GPR176: variants seen among roughly 807,000 people sequenced by gnomAD.
GPR176 encodes G protein-coupled receptor 176, also known as G-protein coupled receptor 176.
A neutral mutation model predicts 35.4 loss-of-function variants in GPR176; 26 were observed. The ratio of observed to expected loss-of-function variants is 0.74; its 90% CI spans 0.54 to 1.02. GPR176 has a LOEUF of 1.02. Among genes scored for constraint, GPR176 ranks in the 50% least tolerant of loss-of-function variants. GPR176 has a pLI of 0.00. For missense variants in GPR176, 597 were observed against 665.3 expected (o/e 0.90, Z 1.13); for synonymous variants, 278 against 271.3 (o/e 1.02, Z -0.24).
chr15:39,859,073 A>G (rs1277237056), intron 1 of GPR176, among the ~76,000 whole-genome samples: 1 of 152,184 alleles, frequency 6.6e-6, no homozygotes, highest in East Asian at 1.9e-4. Flanking sequence ...GTGAGAAAAC[A>G]AATCATCATG....
chr15:39,802,247 A>G lies in GPR176; in HGVS notation c.433T>C (p.Ser145Pro). 1 of 1,594,012 alleles carries G rather than the reference A, an allele frequency of 6.3e-7. No homozygotes were observed. The highest frequency in any genetic ancestry group is 8.6e-7 in the Non-Finnish European group (1 of 1,168,272). The change falls in exon 3 of 3, where the codon TCA becomes CCA. Residue 145 changes from serine to proline, a missense_variant. By Grantham distance (74) the Ser-to-Pro change is moderately conservative. Around this residue, in one of 3 missense-constraint regions of GPR176, gnomAD observed 220 missense variants for 297.6 expected, o/e 0.74. Transcript: ENST00000561100. ...FPAIALDRYY[S>P]VLYPLERKIS... ...TTCCTCTCCAGTGGATAGAGGACTG[A>G]GTAGTACCTGCAAGATACACAAACA...
intron 1 of GPR176, among the ~76,000 whole-genome samples, chr15:39,904,876 A>G (rs2033377258): frequency 6.6e-6 from 1 of 152,236 alleles, no homozygotes; most frequent in African/African-American, 2.4e-5. Context: ...CTAGAAGTAG[A>G]GCAGCATTTG....
chr15:39,831,128 T>C (rs764779810), intron 1 of GPR176, among the ~76,000 whole-genome samples: 1 of 152,212 alleles, frequency 6.6e-6, no homozygotes, highest in Non-Finnish European at 1.5e-5. Flanking sequence ...AACTTGGTTT[T>C]TAGGTACTTG....
At chr15:39,822,710 A>C (rs577649356) in intron 1 of GPR176, among the ~76,000 whole-genome samples, 1 of 152,364 alleles carries the variant, frequency 6.6e-6, no homozygotes, top group African/African-American at 2.4e-5. Context: ...AATATAAAGA[A>C]CACCAAAACC....
intron 1 of GPR176, among the ~76,000 whole-genome samples, chr15:39,865,427 T>A (rs939962951): frequency 2.0e-4 from 30 of 152,126 alleles, no homozygotes; most frequent in Non-Finnish European, 1.8e-4. Context: ...GAGATCAGTA[T>A]CTTAAGTGAA....
chr15:39,813,498 T>G (rs1595440542), intron 1 of GPR176: 2 of 152,256 alleles, frequency 1.3e-5, no homozygotes, highest in African/African-American at 4.8e-5. Context: ...TCTTCTGGAT[T>G]ACACAATTTC....
intron 1 of GPR176, among the ~76,000 whole-genome samples, chr15:39,887,904 T>C (rs1293580740): frequency 6.6e-6 from 1 of 152,194 alleles, no homozygotes; most frequent in Non-Finnish European, 1.5e-5. Context: ...AAAGAAGCTC[T>C]CTGCCATCCT....
Position 39,898,109 on chromosome 15 carries a change from C to CT in GPR176, c.172+21745dup, listed in dbSNP as rs201066407. On this transcript the variant is annotated intron_variant, in intron 1 of 2. Transcript: ENST00000561100. ...ATTCTCATCTGATAAAACTTATTAT[C>CT]TTTATTTTATTGCTTCATTTTCATG... Among the ~76,000 whole-genome samples the CT allele has an allele frequency of 9.0e-3, 1,378 of 152,276 alleles. 24 individuals are homozygous for CT. The highest frequency in any genetic ancestry group is 0.031 in the African/African-American group (1,306 of 41,540).
chr15:39,855,393 G>T (rs140855028), intron 1 of GPR176, among the ~76,000 whole-genome samples: 39 of 152,170 alleles, frequency 2.6e-4, no homozygotes, highest in African/African-American at 9.2e-4. Context: ...CCTATTTCTC[G>T]TCAATTCACA....
intron 1 of GPR176, among the ~76,000 whole-genome samples, chr15:39,849,035 T>G (rs542057686): frequency 2.2e-4 from 34 of 151,894 alleles, no homozygotes; most frequent in African/African-American, 7.0e-4. Flanking sequence ...AATAAAGAAC[T>G]GGTCCTTTGA....
intron 2 of GPR176, among the ~76,000 whole-genome samples, chr15:39,805,900 T>C (rs983075504): frequency 6.6e-6 from 1 of 152,200 alleles, no homozygotes; most frequent in African/African-American, 2.4e-5. Context: ...GAAAGCTATG[T>C]AGGCAGGACT....
chr15:39,878,304 C>T (rs2032335879), intron 1 of GPR176, among the ~76,000 whole-genome samples: 1 of 152,190 alleles, frequency 6.6e-6, no homozygotes. Context: ...TGACAGCCAT[C>T]ATTCTACCCT....
At chr15:39,828,263 G>A (rs751747708) in intron 1 of GPR176, among the ~76,000 whole-genome samples, 33 of 152,220 alleles carry the variant, frequency 2.2e-4, no homozygotes, top group Non-Finnish European at 4.3e-4. Flanking sequence ...AACTAGGACA[G>A]GTAGGTGTCT....
intron 1 of GPR176, among the ~76,000 whole-genome samples, chr15:39,912,723 T>C (rs1021678477): frequency 6.6e-6 from 1 of 152,102 alleles, no homozygotes; most frequent in African/African-American, 2.4e-5. Flanking sequence ...AAGTGACATA[T>C]GCAGAAATTG....
In GPR176 at chr15:39,801,809, C is replaced by T; in HGVS notation, c.871G>A (p.Val291Met). 6.2e-7 allele frequency: 1 copy of T among 1,613,860 alleles called. No individual in the cohort carries two copies. Among genetic ancestry groups the T allele is most frequent in the South Asian group, 1.1e-5 (1 of 91,076 alleles). The stretch of plus-strand genomic sequence containing the variant: ...ACGGAAGTGTCAGGGACATTGAGCA[C>T]AGTCTGGTAGACGACCAGGGTGGCA... ...PYATLVVYQT[V>M]LNVPDTSVFL... Residue 291 changes from valine to methionine, a missense_variant, in exon 3 of 3, where the codon GTG becomes ATG. This residue lies in a region of GPR176 where 220 missense variants were observed against 297.6 expected (regional missense o/e 0.74). Transcript: ENST00000561100.
At position 39,917,666 on chromosome 15, in the gene GPR176, T is replaced by C. The variant is rs75520416; in HGVS notation, c.172+2189A>G. ...GAACTTTTAAGGAAACCAGACATAC[T>C]GTCCATATTTATGGGTTTTTTTCTG... On this transcript the variant is annotated intron_variant, in intron 1 of 2. Transcript: ENST00000561100. 6.0e-3 allele frequency among the ~76,000 whole-genome samples: 916 copies of C among 151,840 alleles called. 10 individuals carry two copies. Among genetic ancestry groups the C allele is most frequent in the African/African-American group, 0.02 (831 of 41,442 alleles).
chr15:39,834,742 C>T (rs1221576612), intron 1 of GPR176, among the ~76,000 whole-genome samples: 3 of 152,048 alleles, frequency 2.0e-5, no homozygotes, highest in African/African-American at 7.2e-5. Flanking sequence ...AACAATTGAA[C>T]GCATGGAGAT....
chr15:39,895,568 T>C (rs1052992331), intron 1 of GPR176, among the ~76,000 whole-genome samples: 12 of 152,202 alleles, frequency 7.9e-5, no homozygotes, highest in Non-Finnish European at 4.4e-5. Flanking sequence ...ATATTTACTT[T>C]AAAAGGCAGT....
chr15:39,840,190 T>A (rs1189580230), intron 1 of GPR176, among the ~76,000 whole-genome samples: 1 of 152,190 alleles, frequency 6.6e-6, no homozygotes, highest in Non-Finnish European at 1.5e-5. Context: ...CACGTATGTT[T>A]ATTGTGGCAC....
Sources: allele counts gnomAD v4.1 joint callset (sites outside exome capture counted in the v4.1 genomes callset), GRCh38; gene constraint gnomAD v4.1.1; regional missense constraint gnomAD v4.1.1; transcripts MANE v1.5; gene names NCBI Gene and HGNC (gene_info 2026-07-23, HGNC 2026-07-21).